PTPRD: variants seen among roughly 807,000 people sequenced by gnomAD.
PTPRD encodes the protein protein tyrosine phosphatase receptor type D.
A neutral mutation model predicts 214.5 loss-of-function variants in PTPRD; 34 were observed. That is an observed-to-expected ratio of 0.16 (90% CI 0.12 to 0.21). The LOEUF (loss-of-function observed/expected upper bound fraction) is 0.21. PTPRD is among the 10% of genes least tolerant of loss of function. The probability of loss-of-function intolerance (pLI) is 1.00; values close to 1 mark genes in which losing one functional copy is unlikely to be tolerated. For synonymous variants in PTPRD, 1,128 were observed against 845.7 expected, an observed-to-expected ratio of 1.33 and a Z score of -5.79; for missense variants, 2,545 against 2,398.7, an observed-to-expected ratio of 1.06 and a Z score of -1.27.
chr9:8,886,460 T>C (rs1330855434), intron 11 of PTPRD, among the ~76,000 whole-genome samples: 1 of 152,236 alleles, frequency 6.6e-6, no homozygotes, highest in Non-Finnish European at 1.5e-5. Context: ...CATGTCATGA[T>C]ATAGATGTTA....
chr9:8,647,824 T>C (rs1384767405), intron 12 of PTPRD, among the ~76,000 whole-genome samples: 1 of 152,300 alleles, frequency 6.6e-6, no homozygotes, highest in East Asian at 1.9e-4. Context: ...TTATCCACTG[T>C]CCAAAATAAT....
chr9:8,933,511 A>T (rs2098968944), intron 11 of PTPRD, among the ~76,000 whole-genome samples: 1 of 151,968 alleles, frequency 6.6e-6, no homozygotes. Context: ...ATGCTTCTCA[A>T]GTCCACAGAC....
At chr9:9,919,808 G>A (rs769512248) in intron 5 of PTPRD, among the ~76,000 whole-genome samples, 124 of 152,096 alleles carry the variant, frequency 8.2e-4, no homozygotes, top group Non-Finnish European at 1.5e-3. Flanking sequence ...CGTTACTGCA[G>A]CATTTGTAAG....
intron 5 of PTPRD, among the ~76,000 whole-genome samples, chr9:9,809,015 G>T (rs2046312825): frequency 6.7e-6 from 1 of 149,610 alleles, no homozygotes; most frequent in Non-Finnish European, 1.5e-5. Flanking sequence ...CAAATTTTTA[G>T]CCTCAACTGG....
At chr9:9,664,112 T>C (rs1213150585) in intron 7 of PTPRD, among the ~76,000 whole-genome samples, 1 of 145,488 alleles carries the variant, frequency 6.9e-6, no homozygotes, top group Non-Finnish European at 1.5e-5. Context: ...AAAAAAGAAG[T>C]TATGACTCTA....
At chr9:10,075,344 G>T (rs938337622) in intron 3 of PTPRD, among the ~76,000 whole-genome samples, 3 of 151,842 alleles carry the variant, frequency 2.0e-5, no homozygotes, top group Admixed American at 6.6e-5. Flanking sequence ...CAGGATAATT[G>T]TGAAAAAACA....
chr9:9,371,932 T>A (rs1407811516), intron 9 of PTPRD, among the ~76,000 whole-genome samples: 8 of 152,164 alleles, frequency 5.3e-5, no homozygotes, highest in Admixed American at 2.6e-4. Flanking sequence ...TTTGAGTGAG[T>A]TTCTTAATCC....
intron 10 of PTPRD, among the ~76,000 whole-genome samples, chr9:9,019,312 GAAA>G (rs2099551821): frequency 9.1e-6 from 1 of 109,590 alleles, no homozygotes; most frequent in Non-Finnish European, 1.9e-5. Flanking sequence ...AAGAAAGAAA[GAAA>G]GAAAGAAAGA....
At chr9:10,087,404 T>C (rs534788386) in intron 3 of PTPRD, among the ~76,000 whole-genome samples, 2 of 151,798 alleles carry the variant, frequency 1.3e-5, no homozygotes, top group South Asian at 4.1e-4. Context: ...CCAATAATGC[T>C]AAGTATGTTT....
intron 5 of PTPRD, among the ~76,000 whole-genome samples, chr9:9,887,497 C>G (rs1383757941): frequency 6.6e-6 from 1 of 152,062 alleles, no homozygotes; most frequent in Non-Finnish European, 1.5e-5. Flanking sequence ...TTGGAAGGAG[C>G]ATGAAGCAGC....
intron 4 of PTPRD, among the ~76,000 whole-genome samples, chr9:10,003,853 A>C (rs1356157662): frequency 1.3e-5 from 2 of 151,672 alleles, no homozygotes; most frequent in Non-Finnish European, 3.0e-5. Context: ...TTAATACCCT[A>C]ATGGCCAAAT....
Position 9,142,234 on chromosome 9 carries a change from G to A in PTPRD, c.-143+41070C>T, listed in dbSNP as rs149880367. Among the ~76,000 whole-genome samples the A allele has an allele frequency of 7.7e-3, 1,173 of 152,274 alleles. 13 individuals are homozygous for A. Among genetic ancestry groups the A allele is most frequent in the African/African-American group, 0.027 (1,136 of 41,556 alleles). ...AGAAGAGCAGCAAGCAGGTGTGCTGGCGCCATCTCCAGAGAACTCTGATGC... is the reference window on the plus strand; with the variant it reads ...AGAAGAGCAGCAAGCAGGTGTGCTGACGCCATCTCCAGAGAACTCTGATGC... On this transcript the variant is annotated intron_variant, in intron 10 of 45. Coordinates refer to ENST00000381196, the MANE Select transcript of PTPRD (RefSeq NM_002839.4).
intron 9 of PTPRD, among the ~76,000 whole-genome samples, chr9:9,357,865 TC>T (rs1197922862): frequency 3.3e-5 from 5 of 150,736 alleles, no homozygotes; most frequent in Non-Finnish European, 7.4e-5. Flanking sequence ...TCCTTTTTTT[TC>T]CCAGGTAACA....
chr9:9,245,817 C>G (rs998717219), intron 9 of PTPRD, among the ~76,000 whole-genome samples: 3 of 151,902 alleles, frequency 2.0e-5, no homozygotes, highest in Non-Finnish European at 4.4e-5. Flanking sequence ...TGCCCAGGAA[C>G]GTTTGAATGT....
chr9:8,548,413 G>A (rs578233304), intron 14 of PTPRD, among the ~76,000 whole-genome samples: 1 of 152,122 alleles, frequency 6.6e-6, no homozygotes, highest in Non-Finnish European at 1.5e-5. Context: ...TGTCACCCAG[G>A]CTGTACTGCC....
Position 8,319,827 on chromosome 9 carries a change from T to C in PTPRD, c.5670+4A>G, listed in dbSNP as rs2130696354. ...GATGCGAAAAATGCAATGGATTTTC[T>C]CACCTCTGTCTGTACCATAGCTGGT... On this transcript the variant is annotated splice_donor_region_variant and intron_variant, in intron 45 of 45. Transcript: ENST00000381196. 6.2e-7 allele frequency: 1 copy of C among 1,611,914 alleles called. No individual in the cohort carries two copies. Among genetic ancestry groups the C allele is most frequent in the Non-Finnish European group, 8.5e-7 (1 of 1,179,038 alleles).
At chr9:9,762,472 A>G (rs1372690259) in intron 6 of PTPRD, among the ~76,000 whole-genome samples, 3 of 152,138 alleles carry the variant, frequency 2.0e-5, no homozygotes, top group African/African-American at 7.2e-5. Flanking sequence ...TTTGTTCTTC[A>G]ATTCCTCTCT....
At chr9:8,572,613 C>T (rs1337612293) in intron 14 of PTPRD, among the ~76,000 whole-genome samples, 1 of 152,004 alleles carries the variant, frequency 6.6e-6, no homozygotes, top group African/African-American at 2.4e-5. Flanking sequence ...AAAAATTCTT[C>T]AAGGGGAATT....
Position 10,405,339 on chromosome 9 carries a change from C to G in PTPRD, c.-599-64322G>C, listed in dbSNP as rs572988911. The stretch of plus-strand genomic sequence containing the variant: ...TAAAATAATTATCTTGTTTAACAGA[C>G]AGTGACATGGAATTTTTACTTATAT... On this transcript the variant is annotated intron_variant, in intron 2 of 45. Transcript: ENST00000381196. 3.3e-5 allele frequency among the ~76,000 whole-genome samples: 5 copies of G among 151,632 alleles called. No homozygotes were observed. In the South Asian group the frequency reaches 8.3e-4, roughly 25 times the overall value.
Sources: allele counts gnomAD v4.1 joint callset (sites outside exome capture counted in the v4.1 genomes callset), GRCh38; gene constraint gnomAD v4.1.1; transcripts MANE v1.5; gene names NCBI Gene and HGNC (gene_info 2026-07-23, HGNC 2026-07-21).